The following SUCLG2 variants were observed in gnomAD, a reference collection of about 807,000 sequenced individuals.
SUCLG2 encodes the protein succinate-CoA ligase GDP-forming subunit beta, also known as succinate--CoA ligase [GDP-forming] subunit beta, mitochondrial.
Under a neutral mutation model 47.9 loss-of-function variants are expected in SUCLG2, and 42 were observed. That is an observed-to-expected ratio of 0.88 (90% CI 0.69 to 1.14). The LOEUF (loss-of-function observed/expected upper bound fraction) is 1.14, where lower values mean the gene tolerates loss of function less well. SUCLG2 is among the 50% of genes most tolerant of loss of function. The pLI is 0.00. For synonymous variants in SUCLG2, 195 were observed against 197.3 expected (o/e 0.99, Z 0.10); for missense variants, 571 against 525.9 (o/e 1.09, Z -0.84).
chr3:67,394,929 A>T (rs1003672236), intron 10 of SUCLG2, among the ~76,000 whole-genome samples: 3 of 152,320 alleles, frequency 2.0e-5, no homozygotes, highest in South Asian at 2.1e-4. Context: ...ACTAAACTGC[A>T]TAAGTGAAGG....
chr3:67,592,718 C>CAAAAAAAAAAAAAAAA (rs754866312), intron 2 of SUCLG2, among the ~76,000 whole-genome samples: 10 of 80,260 alleles, frequency 1.2e-4, no homozygotes, highest in African/African-American at 5.4e-4. Flanking sequence ...TCACATCCTC[C>CAAAAAAAAAAAAAAAA]AAAAAAAAAA....
In SUCLG2 at chr3:67,520,619, C is replaced by A. The variant is rs756913261; in HGVS notation, c.433G>T (p.Ala145Ser). 2.5e-6 allele frequency: 4 copies of A among 1,612,126 alleles called. No homozygotes were observed. In the South Asian group the frequency reaches 4.4e-5, roughly 18 times the overall value. The change falls in exon 5 of 11, where the codon GCC becomes TCC. Residue 145 changes from alanine (A) to serine (S), a missense_variant. Coordinates refer to ENST00000307227, the MANE Select transcript of SUCLG2 (RefSeq NM_003848.4). The part of the protein sequence containing the change: ...VKVNKVMVAE[A>S]LDISRETYLA... ...TAGGTTTCTCTGGAAATATCCAAGG[C>A]TTCAGCAACCATCACCTACCACATT...
At chr3:67,498,019 G>T in intron 8 of SUCLG2, 115 bp downstream of exon 8, 2 of 1,121,622 alleles carry the variant, frequency 1.8e-6, no homozygotes, top group Non-Finnish European at 2.5e-6. Context: ...AGACTTTTCA[G>T]CTACAAAAAA....
intron 2 of SUCLG2, among the ~76,000 whole-genome samples, chr3:67,593,252 C>A (rs1035857698): frequency 7.4e-6 from 1 of 135,936 alleles, no homozygotes; most frequent in African/African-American, 3.1e-5. Flanking sequence ...TTTGCATATT[C>A]AATTGGTCTA....
At chr3:67,553,593 C>CA (rs1707075312) in intron 2 of SUCLG2, among the ~76,000 whole-genome samples, 1 of 152,114 alleles carries the variant, frequency 6.6e-6, no homozygotes, top group African/African-American at 2.4e-5. Context: ...TTTTAAACTG[C>CA]ATTTACAAAC....
At chr3:67,629,870 G>A (rs1433501404) in intron 1 of SUCLG2, among the ~76,000 whole-genome samples, 1 of 152,062 alleles carries the variant, frequency 6.6e-6, no homozygotes, top group African/African-American at 2.4e-5. Context: ...CAGGAACCAG[G>A]AACCATGACC....
intron 2 of SUCLG2, among the ~76,000 whole-genome samples, chr3:67,562,360 C>T (rs1228187321): frequency 1.3e-5 from 2 of 152,134 alleles, no homozygotes; most frequent in Non-Finnish European, 2.9e-5. Flanking sequence ...TCATTGCAAC[C>T]TCCACTTCCC....
intron 9 of SUCLG2, among the ~76,000 whole-genome samples, chr3:67,422,323 A>G (rs970045842): frequency 6.6e-6 from 1 of 151,526 alleles, no homozygotes; most frequent in African/African-American, 2.4e-5. Flanking sequence ...AATACAAAAA[A>G]AATTAGCTGG....
intron 10 of SUCLG2, among the ~76,000 whole-genome samples, chr3:67,394,637 G>A (rs1223561474): frequency 1.3e-5 from 2 of 151,842 alleles, no homozygotes; most frequent in East Asian, 3.9e-4. Flanking sequence ...ATCTAGCAAG[G>A]CAGGACAACA....
intron 2 of SUCLG2, among the ~76,000 whole-genome samples, chr3:67,604,856 T>C (rs1700369503): frequency 6.6e-6 from 1 of 152,354 alleles, no homozygotes; most frequent in Non-Finnish European, 1.5e-5. Context: ...AAATATTTTA[T>C]AAAATGTCAT....
At chr3:67,563,478 C>T (rs918834478) in intron 2 of SUCLG2, among the ~76,000 whole-genome samples, 5 of 152,156 alleles carry the variant, frequency 3.3e-5, no homozygotes, top group Admixed American at 6.5e-5. Context: ...CGTCCATAAA[C>T]TAGAACACCA....
At chr3:67,595,495 C>T (rs573403336) in intron 2 of SUCLG2, among the ~76,000 whole-genome samples, 2 of 152,168 alleles carry the variant, frequency 1.3e-5, no homozygotes, top group African/African-American at 4.8e-5. Flanking sequence ...TTTGAATTGA[C>T]CTTTGGGAGA....
At chr3:67,408,805 A>G in intron 9 of SUCLG2, 1 of 1,358,112 alleles carries the variant, frequency 7.4e-7, no homozygotes, top group Non-Finnish European at 9.4e-7. Context: ...AAACTCAATG[A>G]GCTTAAACAT....
intron 1 of SUCLG2, among the ~76,000 whole-genome samples, chr3:67,628,967 A>G (rs1457160426): frequency 6.6e-6 from 1 of 152,244 alleles, no homozygotes; most frequent in South Asian, 2.1e-4. Context: ...AGAACAAGGA[A>G]GAACAGACAC....
chr3:67,570,562 G>A (rs954522368), intron 2 of SUCLG2, among the ~76,000 whole-genome samples: 2 of 152,188 alleles, frequency 1.3e-5, no homozygotes, highest in African/African-American at 4.8e-5. Flanking sequence ...GATCAATCAT[G>A]TGTTTTACAG....
intron 5 of SUCLG2, among the ~76,000 whole-genome samples, 196 bp from the exon 6 acceptor site, chr3:67,518,532 C>G (rs1408129585): frequency 6.6e-6 from 1 of 152,174 alleles, no homozygotes; most frequent in Admixed American, 6.5e-5. Flanking sequence ...AAAAGCCCTT[C>G]CAAAAACTAT....
In SUCLG2 at chr3:67,400,789, C is replaced by T. The variant is rs368884056; in HGVS notation, c.1125G>A (p.Gly375=). The change falls in exon 10 of 11, where the codon GGG becomes GGA. Residue 375 remains glycine (G), a synonymous_variant. Transcript: ENST00000307227. ...CTAGCTCCCGGCAGGCTTTGGTGAT[C>T]CCATTGGCAATGATGGCACAGTTGA... is the stretch of plus-strand genomic sequence containing the variant. ...GIVNCAIIAN[G]ITKACRELEL... 1.2e-6 allele frequency: 2 copies of T among 1,612,336 alleles called. No individual in the cohort carries two copies. The highest frequency in any genetic ancestry group is 1.7e-6 in the Non-Finnish European group (2 of 1,179,900).
In SUCLG2 at chr3:67,528,240, C is replaced by T. The variant is rs62256401; in HGVS notation, c.327-18G>A. 6.4e-3 allele frequency: 10,266 copies of T among 1,607,504 alleles called. 45 individuals are homozygous for T. Among genetic ancestry groups the T allele is most frequent in the Non-Finnish European group, 7.4e-3 (8,743 of 1,174,386 alleles). ...CATTAGGGCTAAGAGAAAGAGAAAA[C>T]AAGCAGAAAATGAATGTTTGTTGAA... On this transcript the variant is annotated intron_variant, in intron 3 of 10. Transcript: ENST00000307227.
At chr3:67,597,626 T>C (rs72929317) in intron 2 of SUCLG2, among the ~76,000 whole-genome samples, 8,346 of 152,158 alleles carry the variant, frequency 0.055, 713 homozygotes, top group African/African-American at 0.18. Flanking sequence ...GCTGCAAGAA[T>C]TGATGGAATA....
Sources: allele counts gnomAD v4.1 joint callset (sites outside exome capture counted in the v4.1 genomes callset), GRCh38; gene constraint gnomAD v4.1.1; transcripts MANE v1.5; gene names NCBI Gene and HGNC (gene_info 2026-07-23, HGNC 2026-07-21).